The following ZFHX4 variants were observed in gnomAD, a reference collection of about 807,000 sequenced individuals.
ZFHX4 encodes the protein zinc finger homeobox protein 4.
In ZFHX4, 56 loss-of-function variants were observed where a neutral mutation model predicts 267.6. That is an observed-to-expected ratio of 0.21 (90% confidence interval 0.17 to 0.26). The LOEUF (loss-of-function observed/expected upper bound fraction) is 0.26, where lower values mean the gene tolerates loss of function less well. Ranked by LOEUF, ZFHX4 falls within the 10% of genes least tolerant of loss-of-function variation. The pLI is 1.00. For missense variants in ZFHX4, 4,332 were observed against 4,420.0 expected (o/e 0.98, Z 0.56); for synonymous variants, 1,778 against 1,665.6 (o/e 1.07, Z -1.64).
chr8:76,856,218 C>T lies in ZFHX4; in HGVS notation c.9297C>T (p.Pro3099=), dbSNP rs1812722550. The T allele has an allele frequency of 1.2e-6, 2 of 1,613,968 alleles. No individual in the cohort carries two copies. The highest frequency in any genetic ancestry group is 1.1e-5 in the South Asian group (1 of 91,088). The stretch of plus-strand genomic sequence containing the variant: ...GCATCAGCCTGCCAACAGCCTACCC[C>T]GGACTCCCCGGCCTTCCTCCAGTCC... The part of the protein sequence containing the change: ...LHGISLPTAY[P]GLPGLPPVLL... The change falls in exon 10 of 11, where the codon CCC becomes CCT. Residue 3099 remains proline (P), a synonymous_variant. Coordinates refer to ENST00000651372, the MANE Select transcript of ZFHX4 (RefSeq NM_024721.5).
Position 76,750,955 on chromosome 8 carries a change from C to T in ZFHX4, c.3094-27253C>T, listed in dbSNP as rs922079724. 3.3e-5 allele frequency among the ~76,000 whole-genome samples: 5 copies of T among 152,188 alleles called. No homozygotes were observed. The South Asian group carries it at 6.2e-4, about 19-fold the overall frequency. On this transcript the variant is annotated intron_variant, in intron 3 of 10. Coordinates refer to ENST00000651372, the MANE Select transcript of ZFHX4 (RefSeq NM_024721.5). ...ACACATTTTCTCATACCTTAAAAAA[C>T]GCAGGAGCTGATAAGGACAAAATTA...
Position 76,863,651 on chromosome 8 carries a change from G to T in ZFHX4, c.9937G>T (p.Gly3313Cys). The change falls in exon 11 of 11, where the codon GGT becomes TGT. Residue 3313 changes from glycine to cysteine, a missense_variant. Gly to Cys is a radical substitution (Grantham distance 159). Around this residue, in one of 7 missense-constraint regions of ZFHX4, gnomAD observed 1,648 missense variants for 1,625.0 expected, o/e 1.01. Transcript: ENST00000651372. ...MPQTLAGLSP[G>C]ALLQQYQQYQ... ...CCAGACACTGGCAGGTCTGTCCCCA[G>T]GTGCACTGTTGCAGCAGTACCAACA... 1 of 1,611,326 alleles carries T rather than the reference G, an allele frequency of 6.2e-7. No individual in the cohort carries two copies.
intron 10 of ZFHX4, 63 bp downstream of exon 10, chr8:76,856,363 T>G: frequency 6.3e-7 from 1 of 1,577,564 alleles, no homozygotes; most frequent in Non-Finnish European, 8.6e-7. Flanking sequence ...CAGTCACATG[T>G]AACCAAGAAC....
intron 4 of ZFHX4, among the ~76,000 whole-genome samples, chr8:76,801,719 C>T (rs1378450834): frequency 6.6e-6 from 1 of 152,134 alleles, no homozygotes; most frequent in Non-Finnish European, 1.5e-5. Flanking sequence ...AGTGTGCTCA[C>T]ATTGATTGAA....
intron 1 of ZFHX4, among the ~76,000 whole-genome samples, chr8:76,684,851 G>A (rs1807651599): frequency 1.3e-5 from 2 of 152,202 alleles, no homozygotes. Context: ...AAACATAAAG[G>A]AGGCTGAGAA....
At position 76,864,175 on chromosome 8, in the gene ZFHX4, T is replaced by C. The variant is rs371578848; in HGVS notation, c.10461T>C (p.Val3487=). The change falls in exon 11 of 11, where the codon GTT becomes GTC. Residue 3487 remains valine, a synonymous_variant. Transcript: ENST00000651372. The part of the protein sequence containing the change: ...KQAMRNAKEH[V]RLLPHSVCSP... ...CAATGAGAAATGCCAAAGAGCATGT[T>C]AGATTATTACCTCACTCAGTCTGCT... 60 of 1,613,836 alleles carry C rather than the reference T, an allele frequency of 3.7e-5. No individual in the cohort carries two copies. Among genetic ancestry groups the C allele is most frequent in the Non-Finnish European group, 4.6e-5 (54 of 1,179,854 alleles).
At chr8:76,713,534 C>T (rs1808485225) in intron 3 of ZFHX4, among the ~76,000 whole-genome samples, 1 of 152,216 alleles carries the variant, frequency 6.6e-6, no homozygotes, top group Non-Finnish European at 1.5e-5. Flanking sequence ...CGTCTGCCTA[C>T]ACATCAGGAA....
At chr8:76,848,258 A>G (rs1812415208) in intron 6 of ZFHX4, among the ~76,000 whole-genome samples, 1 of 152,150 alleles carries the variant, frequency 6.6e-6, no homozygotes, top group Non-Finnish European at 1.5e-5. Context: ...TTTCTGTTAG[A>G]TTGGGAAATT....
intron 3 of ZFHX4, among the ~76,000 whole-genome samples, chr8:76,739,400 T>C (rs1268258720): frequency 6.6e-6 from 1 of 152,168 alleles, no homozygotes; most frequent in Non-Finnish European, 1.5e-5. Context: ...ACCTCATGGT[T>C]CCTTTGGAAT....
rs374867343 is a variant in ZFHX4 at position 76,863,550 on chromosome 8, C to T, written c.9836C>T (p.Pro3279Leu). ...GFASYFTPQL[P>L]GTVQGGYFPP... The stretch of plus-strand genomic sequence containing the variant: ...GCTTCTTATTTTACACCTCAGCTCC[C>T]TGGAACAGTGCAGGGGGGATACTTC... Residue 3279 changes from proline (P) to leucine (L), a missense_variant, in exon 11 of 11, where the codon CCT (proline) becomes CTT (leucine). Coordinates refer to ENST00000651372, the MANE Select transcript of ZFHX4 (RefSeq NM_024721.5). 4.1e-5 allele frequency: 66 copies of T among 1,613,654 alleles called. No homozygotes were observed. The highest frequency in any genetic ancestry group is 5.2e-5 in the Non-Finnish European group (61 of 1,179,820).
intron 3 of ZFHX4, among the ~76,000 whole-genome samples, chr8:76,724,672 T>C (rs1480621648): frequency 1.3e-5 from 2 of 152,132 alleles, no homozygotes; most frequent in Non-Finnish European, 2.9e-5. Context: ...GATCAAATTT[T>C]GTAAGAATAT....
At chr8:76,796,901 A>G (rs1810992973) in intron 4 of ZFHX4, among the ~76,000 whole-genome samples, 1 of 152,172 alleles carries the variant, frequency 6.6e-6, no homozygotes, top group Non-Finnish European at 1.5e-5. Context: ...CTCCCTGCAC[A>G]GGTTCCTTGA....
chr8:76,696,508 G>A (rs1335591090), intron 1 of ZFHX4, among the ~76,000 whole-genome samples: 2 of 151,766 alleles, frequency 1.3e-5, no homozygotes, highest in Non-Finnish European at 2.9e-5. Context: ...AAACCAAGGA[G>A]CTTATAATTA....
chr8:76,786,982 G>A (rs148419526), intron 4 of ZFHX4, among the ~76,000 whole-genome samples: 1 of 152,256 alleles, frequency 6.6e-6, no homozygotes, highest in East Asian at 1.9e-4. Flanking sequence ...TTTGCCATAG[G>A]GGGGTAGTCA....
chr8:76,729,469 C>T (rs1808940443), intron 3 of ZFHX4, among the ~76,000 whole-genome samples: 1 of 152,112 alleles, frequency 6.6e-6, no homozygotes. Context: ...TTTTTACTTA[C>T]TTTTTGTACA....
chr8:76,751,775 A>C (rs1168672930), intron 3 of ZFHX4, among the ~76,000 whole-genome samples: 1 of 152,180 alleles, frequency 6.6e-6, no homozygotes, highest in African/African-American at 2.4e-5. Flanking sequence ...TGGAAAAGAA[A>C]GTACACAATT....
At chr8:76,829,574 G>T (rs957564272) in intron 4 of ZFHX4, among the ~76,000 whole-genome samples, 2 of 152,086 alleles carry the variant, frequency 1.3e-5, no homozygotes, top group African/African-American at 4.8e-5. Context: ...ACTTTGGGAG[G>T]CCGAGGTGGG....
Position 76,761,145 on chromosome 8 carries a change from A to T in ZFHX4, c.3094-17063A>T, listed in dbSNP as rs141760255. ...GATTAAACTTGTTTATATTCATTAG[A>T]CCTATAACCAAACACTGTTTTATAC... On this transcript the variant is annotated intron_variant, in intron 3 of 10. Transcript: ENST00000651372. Among the ~76,000 whole-genome samples the T allele has an allele frequency of 2.7e-3, 418 of 152,240 alleles. 2 individuals are homozygous for T. The highest frequency in any genetic ancestry group is 9.6e-3 in the African/African-American group (398 of 41,542).
intron 3 of ZFHX4, among the ~76,000 whole-genome samples, chr8:76,717,131 A>G (rs879432300): frequency 6.6e-6 from 1 of 152,164 alleles, no homozygotes; most frequent in Non-Finnish European, 1.5e-5. Context: ...CAACTACTGG[A>G]GGAAGTTGTA....
Sources: gnomAD v4.1 joint callset for allele counts (sites outside exome capture counted in the v4.1 genomes callset) on GRCh38, gnomAD v4.1.1 for gene constraint, gnomAD v4.1.1 regional missense constraint, MANE v1.5 for transcripts, NCBI Gene and HGNC (gene_info 2026-07-23, HGNC 2026-07-21) for gene names.